The following EHHADH variants were observed in gnomAD, a reference collection of about 807,000 sequenced individuals.
EHHADH encodes peroxisomal bifunctional enzyme.
A neutral mutation model predicts 64.4 loss-of-function variants in EHHADH; 48 were observed. The ratio of observed to expected loss-of-function variants is 0.75; its 90% confidence interval spans 0.59 to 0.95. EHHADH has a LOEUF of 0.95. Among genes scored for constraint, EHHADH ranks in the 40% least tolerant of loss-of-function variants. The probability of loss-of-function intolerance (pLI) is 0.00; values close to 1 mark genes in which losing one functional copy is unlikely to be tolerated. For missense variants in EHHADH, 854 were observed against 876.6 expected (o/e 0.97, Z 0.33); for synonymous variants, 308 against 326.7 (o/e 0.94, Z 0.62).
chr3:185,235,264 C>T, intron 3 of EHHADH, 26 bp downstream of exon 3: 1 of 1,573,696 alleles, frequency 6.4e-7, no homozygotes, highest in Non-Finnish European at 8.6e-7. Flanking sequence ...CACACACCAG[C>T]CACTATATAG....
rs143676039 is a variant in EHHADH at position 185,196,648 on chromosome 3, A to G, written c.911-3161T>C. Among the ~76,000 whole-genome samples, 615 of 152,276 alleles carry G rather than the reference A, an allele frequency of 4.0e-3. 4 individuals are homozygous for G. The highest frequency in any genetic ancestry group is 0.014 in the African/African-American group (577 of 41,540). ...AGAGCAAAATTCTGTCTCGAAAAAAAAGAATAAAATAATGATACATACTAT... is the reference window on the plus strand; with the variant it reads ...AGAGCAAAATTCTGTCTCGAAAAAAGAGAATAAAATAATGATACATACTAT... On this transcript the variant is annotated intron_variant, in intron 6 of 6. Coordinates refer to ENST00000231887, the MANE Select transcript of EHHADH (RefSeq NM_001966.4).
rs879731883 is a variant in EHHADH at position 185,193,093 on chromosome 3, C to T, written c.1305G>A (p.Ser435=). 23 of 1,613,530 alleles carry T rather than the reference C, an allele frequency of 1.4e-5. No homozygotes were observed. Among genetic ancestry groups the T allele is most frequent in the African/African-American group, 2.7e-5 (2 of 74,960 alleles). The change falls in exon 7 of 7, where the codon TCG becomes TCA. Residue 435 remains serine, a synonymous_variant. Transcript: ENST00000231887. ...PHLVIGTHFF[S]PAHVMKLLEV... The stretch of plus-strand genomic sequence containing the variant: ...CTAACAACTTCATGACATGAGCTGG[C>T]GAAAAGAAGTGGGTGCCAATGACCA...
chr3:185,197,947 C>A (rs1445167435), intron 6 of EHHADH, among the ~76,000 whole-genome samples: 1 of 152,028 alleles, frequency 6.6e-6, no homozygotes, highest in East Asian at 1.9e-4. Context: ...CAGGTGTGCA[C>A]CACCACGTCC....
intron 5 of EHHADH, among the ~76,000 whole-genome samples, chr3:185,213,426 C>A (rs1560011931): frequency 6.6e-6 from 1 of 152,144 alleles, no homozygotes; most frequent in African/African-American, 2.4e-5. Flanking sequence ...AGGACCATGG[C>A]TCTAGATCAA....
intron 5 of EHHADH, 38 bp downstream of exon 5, chr3:185,218,098 T>C (rs1190762577): frequency 2.1e-5 from 31 of 1,465,480 alleles, no homozygotes; most frequent in Non-Finnish European, 2.7e-5. Context: ...ATGTATCCTG[T>C]TTACAGTCTT....
intron 2 of EHHADH, among the ~76,000 whole-genome samples, chr3:185,237,591 C>T (rs78256003): frequency 1.8e-3 from 279 of 152,198 alleles, no homozygotes; most frequent in African/African-American, 6.5e-3. Context: ...TTATAGAATG[C>T]TTTTTCTACA....
chr3:185,210,367 C>A (rs1194777835), intron 5 of EHHADH, among the ~76,000 whole-genome samples: 1 of 151,984 alleles, frequency 6.6e-6, no homozygotes, highest in Non-Finnish European at 1.5e-5. Flanking sequence ...AGAATCTTTG[C>A]CGGGCACAGT....
intron 5 of EHHADH, among the ~76,000 whole-genome samples, chr3:185,209,782 A>C (rs931285686): frequency 1.1e-4 from 17 of 152,252 alleles, no homozygotes; most frequent in Admixed American, 1.0e-3. Context: ...GAGTTTCTGA[A>C]TTAATGATTT....
chr3:185,248,183 T>C (rs1350124118), intron 2 of EHHADH: 2 of 474,260 alleles, frequency 4.2e-6, no homozygotes, highest in Non-Finnish European at 7.5e-6. Context: ...CCATCAAGTC[T>C]GGAACTAAAT....
chr3:185,249,508 T>C (rs766558014), intron 1 of EHHADH, among the ~76,000 whole-genome samples: 6 of 152,192 alleles, frequency 3.9e-5, no homozygotes, highest in Non-Finnish European at 7.3e-5. Flanking sequence ...GGGAGTTGAT[T>C]GGATCATGCC....
rs954183926 is a variant in EHHADH at position 185,233,426 on chromosome 3, G to C, written c.351+1864C>G. On this transcript the variant is annotated intron_variant, in intron 3 of 6. Coordinates refer to ENST00000231887, the MANE Select transcript of EHHADH (RefSeq NM_001966.4). ...TTTACATTTAACACAAATGAAAGCA[G>C]TAATGGAGGAATTGAACAAAAAAAC... Among the ~76,000 whole-genome samples the C allele has an allele frequency of 2.6e-5, 4 of 152,050 alleles. No individual in the cohort carries two copies. In the South Asian group the frequency reaches 8.3e-4, roughly 31 times the overall value.
intron 2 of EHHADH, among the ~76,000 whole-genome samples, chr3:185,246,630 G>A (rs1366569627): frequency 1.3e-5 from 2 of 152,152 alleles, no homozygotes; most frequent in Admixed American, 1.3e-4. Flanking sequence ...TTCTTTATAT[G>A]CATTGCTTGG....
At chr3:185,227,627 A>C (rs1719017394) in intron 4 of EHHADH, among the ~76,000 whole-genome samples, 1 of 151,962 alleles carries the variant, frequency 6.6e-6, no homozygotes, top group South Asian at 2.1e-4. Context: ...GGAGTTCGAG[A>C]CAAGCCTGAC....
chr3:185,194,247 G>C (rs933168503), intron 6 of EHHADH, among the ~76,000 whole-genome samples: 1 of 152,152 alleles, frequency 6.6e-6, no homozygotes, highest in African/African-American at 2.4e-5. Context: ...AAGGTGAGAG[G>C]ATCACTTGGA....
chr3:185,235,565 T>C, intron 2 of EHHADH, 103 bp from the exon 3 acceptor site: 1 of 1,032,282 alleles, frequency 9.7e-7, no homozygotes, highest in Non-Finnish European at 1.3e-6. Context: ...ATTTGTTTTA[T>C]TTATTTCTTA....
intron 6 of EHHADH, among the ~76,000 whole-genome samples, chr3:185,200,275 T>G (rs768955366): frequency 1.9e-4 from 29 of 152,174 alleles, no homozygotes; most frequent in Middle Eastern, 3.2e-3. Flanking sequence ...AGATAGGATG[T>G]ATCAGTCATC....
At chr3:185,205,642 C>T (rs1264318918) in intron 5 of EHHADH, among the ~76,000 whole-genome samples, 4 of 151,964 alleles carry the variant, frequency 2.6e-5, no homozygotes, top group African/African-American at 9.7e-5. Flanking sequence ...ACATTAACAA[C>T]AGAAAATCCA....
intron 4 of EHHADH, among the ~76,000 whole-genome samples, chr3:185,225,381 C>T (rs1018858459): frequency 6.6e-6 from 1 of 152,122 alleles, no homozygotes; most frequent in Non-Finnish European, 1.5e-5. Context: ...CGTATCTGCT[C>T]TGTCACAAAA....
At chr3:185,196,189 C>T (rs951197842) in intron 6 of EHHADH, among the ~76,000 whole-genome samples, 2 of 152,174 alleles carry the variant, frequency 1.3e-5, no homozygotes, top group African/African-American at 2.4e-5. Flanking sequence ...TAGTGTAGTT[C>T]TCCTGCTTTG....
Sources: allele counts gnomAD v4.1 joint callset (sites outside exome capture counted in the v4.1 genomes callset), GRCh38; gene constraint gnomAD v4.1.1; transcripts MANE v1.5; gene names NCBI Gene and HGNC (gene_info 2026-07-23, HGNC 2026-07-21).